The following STK32B variants were observed in gnomAD, a reference collection of about 807,000 sequenced individuals.
STK32B encodes serine/threonine-protein kinase 32B.
Under a neutral mutation model 52.6 loss-of-function variants are expected in STK32B, and 43 were observed. That is an observed-to-expected ratio of 0.82 (90% CI 0.64 to 1.05). The LOEUF (loss-of-function observed/expected upper bound fraction) is 1.05, where lower values mean the gene tolerates loss of function less well. Among genes scored for constraint, STK32B ranks in the 50% least tolerant of loss-of-function variants. The pLI is 0.00. For synonymous variants in STK32B, 238 were observed against 204.3 expected (o/e 1.17, Z -1.41); for missense variants, 621 against 534.6 (o/e 1.16, Z -1.59).
At chr4:5,088,884 A>T (rs920470019) in intron 1 of STK32B, among the ~76,000 whole-genome samples, 1 of 151,274 alleles carries the variant, frequency 6.6e-6, no homozygotes, top group African/African-American at 2.4e-5. Context: ...CACTTTAAGA[A>T]TCTAGACAAA....
chr4:5,286,471 T>A (rs1728548317), intron 3 of STK32B, among the ~76,000 whole-genome samples: 1 of 152,188 alleles, frequency 6.6e-6, no homozygotes, highest in Non-Finnish European at 1.5e-5. Flanking sequence ...ATTACTATCC[T>A]CTTCCTCCAG....
chr4:5,151,131 G>A (rs1270497310), intron 2 of STK32B, among the ~76,000 whole-genome samples: 6 of 152,134 alleles, frequency 3.9e-5, no homozygotes, highest in Admixed American at 1.3e-4. Context: ...CTATTTCTAA[G>A]TTGCTTTTGG....
At chr4:5,134,216 C>T (rs1033129825) in intron 1 of STK32B, among the ~76,000 whole-genome samples, 2 of 152,250 alleles carry the variant, frequency 1.3e-5, no homozygotes, top group East Asian at 1.9e-4. Context: ...GCGGTTTTAA[C>T]GTGTTCCCCA....
In STK32B at chr4:5,262,267, C is replaced by T. The variant is rs559979108; in HGVS notation, c.261-68953C>T. ...AATTTTAGAATGTAGCATCCTCTCT[C>T]CCTTGCTGAAAAATAACTAAGCTTA... On this transcript the variant is annotated intron_variant, in intron 3 of 11. Coordinates refer to ENST00000282908, the MANE Select transcript of STK32B (RefSeq NM_018401.3). Among the ~76,000 whole-genome samples, 6 of 152,082 alleles carry T rather than the reference C, an allele frequency of 3.9e-5. No individual in the cohort carries two copies. The South Asian group carries it at 1.2e-3, about 32-fold the overall frequency.
the STK32B span, among the ~76,000 whole-genome samples, chr4:5,023,271 G>A: frequency 6.6e-6 from 1 of 152,196 alleles, no homozygotes; most frequent in Non-Finnish European, 1.5e-5. Flanking sequence ...ATTTGTTACA[G>A]CAGCCACAGG....
chr4:5,197,212 C>G (rs947890788), intron 3 of STK32B, among the ~76,000 whole-genome samples: 27 of 152,200 alleles, frequency 1.8e-4, no homozygotes, highest in Non-Finnish European at 3.8e-4. Flanking sequence ...CACATCATCA[C>G]TCTGTGGGAA....
intron 3 of STK32B, among the ~76,000 whole-genome samples, chr4:5,178,287 G>A (rs1720083883): frequency 1.3e-5 from 2 of 152,244 alleles, no homozygotes; most frequent in Admixed American, 1.3e-4. Flanking sequence ...TGAAACAACA[G>A]CCTGACCTGA....
At chr4:5,324,145 G>C (rs1731719968) in intron 3 of STK32B, among the ~76,000 whole-genome samples, 1 of 152,202 alleles carries the variant, frequency 6.6e-6, no homozygotes, top group Non-Finnish European at 1.5e-5. Context: ...CTTGAGGTCG[G>C]GAGTTCAAGA....
At chr4:5,173,339 C>G (rs1424911308) in intron 3 of STK32B, among the ~76,000 whole-genome samples, 1 of 152,050 alleles carries the variant, frequency 6.6e-6, no homozygotes, top group African/African-American at 2.4e-5. Flanking sequence ...TTCTTGCCTT[C>G]TCCTAGCTTT....
chr4:5,128,295 G>A lies in STK32B; in HGVS notation c.53-11610G>A, dbSNP rs144593952. ...ACTGTCCTAGGAAACGTATACATTG[G>A]GAATGCAGGAAGGAGGTATGCATAA... On this transcript the variant is annotated intron_variant, in intron 1 of 11. Transcript: ENST00000282908. Among the ~76,000 whole-genome samples, 242 of 152,292 alleles carry A rather than the reference G, an allele frequency of 1.6e-3. 1 individual carries two copies. Among genetic ancestry groups the A allele is most frequent in the Non-Finnish European group, 2.7e-3 (182 of 68,018 alleles).
At chr4:5,303,223 G>A (rs1374138810) in intron 3 of STK32B, among the ~76,000 whole-genome samples, 4 of 152,042 alleles carry the variant, frequency 2.6e-5, no homozygotes, top group Non-Finnish European at 5.9e-5. Flanking sequence ...GGATCAAATG[G>A]TAGATCTGCT....
intron 6 of STK32B, among the ~76,000 whole-genome samples, chr4:5,425,113 C>T (rs1430344944): frequency 2.0e-5 from 3 of 152,252 alleles, no homozygotes; most frequent in Non-Finnish European, 4.4e-5. Context: ...TGCTCGCTTG[C>T]TCACACAACC....
chr4:5,202,642 A>G (rs1722245762), intron 3 of STK32B, among the ~76,000 whole-genome samples: 1 of 152,194 alleles, frequency 6.6e-6, no homozygotes, highest in Non-Finnish European at 1.5e-5. Flanking sequence ...ATCCTCTGAA[A>G]TCTAGAGAGA....
At chr4:5,446,581 C>G in intron 6 of STK32B, 92 bp from the exon 7 acceptor site, 1 of 733,350 alleles carries the variant, frequency 1.4e-6, no homozygotes, top group East Asian at 3.2e-5. Flanking sequence ...AAAAAAAAAA[C>G]AAGCTCAATT....
Position 5,339,910 on chromosome 4 carries a change from C to A in STK32B, c.434+8517C>A, listed in dbSNP as rs913599231. Among the ~76,000 whole-genome samples, 5 of 152,276 alleles carry A rather than the reference C, an allele frequency of 3.3e-5. 1 individual carries two copies. The South Asian group carries it at 1.0e-3, about 32-fold the overall frequency. ...TGTCTGGGGGAACTGGCCTTGAAAT[C>A]TGATGTTCAGTGTTTCCTATATACT... is the stretch of plus-strand genomic sequence containing the variant. On this transcript the variant is annotated intron_variant, in intron 4 of 11. Coordinates refer to ENST00000282908, the MANE Select transcript of STK32B (RefSeq NM_018401.3).
intron 3 of STK32B, among the ~76,000 whole-genome samples, chr4:5,327,303 C>A (rs1356421756): frequency 6.6e-6 from 1 of 150,564 alleles, no homozygotes. Context: ...CATGAATGTT[C>A]TTAATGACAA....
chr4:5,284,985 G>T (rs750744507), intron 3 of STK32B, among the ~76,000 whole-genome samples: 1 of 152,084 alleles, frequency 6.6e-6, no homozygotes, highest in Non-Finnish European at 1.5e-5. Context: ...AGCTGCAGCT[G>T]TGGTTGCCCA....
chr4:5,227,222 A>G (rs968987830), intron 3 of STK32B, among the ~76,000 whole-genome samples: 2 of 152,220 alleles, frequency 1.3e-5, no homozygotes, highest in Non-Finnish European at 2.9e-5. Flanking sequence ...CTTCTTAAAG[A>G]TTATTTGAGT....
chr4:5,161,243 T>C (rs957698384), intron 2 of STK32B, among the ~76,000 whole-genome samples: 5 of 152,324 alleles, frequency 3.3e-5, no homozygotes, highest in African/African-American at 7.2e-5. Context: ...GAGACCACCA[T>C]TGATGAGAGC....
Sources: gnomAD v4.1 joint callset for allele counts (sites outside exome capture counted in the v4.1 genomes callset) on GRCh38, gnomAD v4.1.1 for gene constraint, MANE v1.5 for transcripts, NCBI Gene and HGNC (gene_info 2026-07-23, HGNC 2026-07-21) for gene names.